CCSER1: variants seen among roughly 807,000 people sequenced by gnomAD.
CCSER1 encodes the protein serine-rich coiled-coil domain-containing protein 1.
A neutral mutation model predicts 82.0 loss-of-function variants in CCSER1; 41 were observed. That is an observed-to-expected ratio of 0.50 (90% CI 0.39 to 0.65). The LOEUF is 0.65. Ranked by LOEUF, CCSER1 falls within the 30% of genes least tolerant of loss-of-function variation. The pLI, the probability that CCSER1 is intolerant of heterozygous loss-of-function variation, is 0.00. For synonymous variants in CCSER1, 414 were observed against 383.9 expected, an observed-to-expected ratio of 1.08 and a Z score of -0.92; for missense variants, 1,119 against 1,064.2, an observed-to-expected ratio of 1.05 and a Z score of -0.72.
At chr4:91,507,412 T>G (rs1578649429) in intron 10 of CCSER1, among the ~76,000 whole-genome samples, 1 of 152,140 alleles carries the variant, frequency 6.6e-6, no homozygotes, top group African/African-American at 2.4e-5. Flanking sequence ...TTTTGACCAT[T>G]TGCATATCTT....
At chr4:90,352,927 AC>A (rs1222650302) in intron 3 of CCSER1, among the ~76,000 whole-genome samples, 3 of 152,156 alleles carry the variant, frequency 2.0e-5, no homozygotes, top group Non-Finnish European at 2.9e-5. Context: ...TTTAACTGAT[AC>A]CACCTGTGAT....
chr4:90,168,976 T>A (rs997799303), intron 1 of CCSER1, among the ~76,000 whole-genome samples: 1 of 151,948 alleles, frequency 6.6e-6, no homozygotes, highest in African/African-American at 2.4e-5. Flanking sequence ...TTTGGTTCCA[T>A]ATGAACTTTA....
At chr4:90,933,667 ATTAT>A (rs1037999343) in intron 9 of CCSER1, among the ~76,000 whole-genome samples, 4 of 140,202 alleles carry the variant, frequency 2.9e-5, no homozygotes, top group African/African-American at 1.1e-4. Context: ...GTGTGAGTGT[ATTAT>A]TTTCTATACT....
chr4:91,284,527 A>G (rs1743131604), intron 10 of CCSER1, among the ~76,000 whole-genome samples: 1 of 152,114 alleles, frequency 6.6e-6, no homozygotes, highest in Admixed American at 6.6e-5. Flanking sequence ...CTGCTTTAAC[A>G]TGTACTTTTT....
intron 8 of CCSER1, among the ~76,000 whole-genome samples, chr4:90,836,346 C>CA (rs58727029): frequency 1.6e-3 from 240 of 146,580 alleles, no homozygotes; most frequent in East Asian, 8.0e-3. Context: ...ATTAGAAAAA[C>CA]AAAAAAAAAA....
intron 7 of CCSER1, among the ~76,000 whole-genome samples, chr4:90,782,892 G>A (rs927506249): frequency 2.0e-5 from 3 of 151,736 alleles, no homozygotes; most frequent in African/African-American, 7.3e-5. Context: ...GTGTTAGCCA[G>A]GATGGTCTCG....
At chr4:90,451,077 C>G (rs568255192) in intron 4 of CCSER1, among the ~76,000 whole-genome samples, 4 of 152,106 alleles carry the variant, frequency 2.6e-5, no homozygotes, top group African/African-American at 9.7e-5. Context: ...TCTTTTCTAC[C>G]TTTCCTGAGG....
Position 91,297,393 on chromosome 4 carries a change from G to A in CCSER1, c.2217+211399G>A, listed in dbSNP as rs868362017. Among the ~76,000 whole-genome samples the A allele has an allele frequency of 8.2e-3, 1,116 of 135,352 alleles. 12 individuals carry two copies. Among genetic ancestry groups the A allele is most frequent in the African/African-American group, 0.027 (1,020 of 38,240 alleles). The allele number at this position is 135,352 out of a possible 152,430, so 88.8% of individuals were successfully genotyped here. On this transcript the variant is annotated intron_variant, in intron 10 of 10. Transcript: ENST00000509176. ...TGTGTGTGTGTGTGTGTATGTGTGTGTGTGTGTGTGTGTGTGTGTGTGTGT... is the reference window on the plus strand; with the variant it reads ...TGTGTGTGTGTGTGTGTATGTGTGTATGTGTGTGTGTGTGTGTGTGTGTGT...
intron 8 of CCSER1, among the ~76,000 whole-genome samples, chr4:90,831,269 G>A (rs979582458): frequency 1.3e-5 from 2 of 152,080 alleles, no homozygotes; most frequent in African/African-American, 2.4e-5. Context: ...TTCTTTCTTA[G>A]TGGATTTGAC....
At position 90,523,918 on chromosome 4, in the gene CCSER1, G is replaced by C. The variant is rs140665519; in HGVS notation, c.1724+55564G>C. On this transcript the variant is annotated intron_variant, in intron 5 of 10. Coordinates refer to ENST00000509176, the MANE Select transcript of CCSER1 (RefSeq NM_001145065.2). ...TATTAAGCTAAAGATGTCACTATTT[G>C]AATAGCATATCCTGTGTACATGAAG... Among the ~76,000 whole-genome samples the C allele has an allele frequency of 3.0e-4, 46 of 152,214 alleles. No individual in the cohort carries two copies. In the East Asian group the frequency reaches 8.7e-3, roughly 29 times the overall value.
At chr4:91,182,355 C>G (rs1395946924) in intron 10 of CCSER1, among the ~76,000 whole-genome samples, 2 of 152,192 alleles carry the variant, frequency 1.3e-5, no homozygotes, top group Non-Finnish European at 2.9e-5. Context: ...ATCTCTCCAC[C>G]AAATCAGTTG....
At chr4:90,330,657 C>T (rs1288415278) in intron 3 of CCSER1, among the ~76,000 whole-genome samples, 5 of 152,104 alleles carry the variant, frequency 3.3e-5, no homozygotes, top group African/African-American at 4.8e-5. Context: ...ACTATTAATG[C>T]GTGCTTTTCT....
chr4:91,406,025 T>C (rs1752679270), intron 10 of CCSER1, among the ~76,000 whole-genome samples: 5 of 152,172 alleles, frequency 3.3e-5, no homozygotes, highest in African/African-American at 1.2e-4. Flanking sequence ...TATATGTATA[T>C]TCTTATCCAT....
intron 8 of CCSER1, among the ~76,000 whole-genome samples, chr4:90,922,792 C>T (rs1020058195): frequency 6.6e-6 from 1 of 152,076 alleles, no homozygotes; most frequent in African/African-American, 2.4e-5. Context: ...GATTAGTTTA[C>T]TCAGAAATCG....
chr4:90,700,452 T>A (rs567873591), intron 6 of CCSER1, among the ~76,000 whole-genome samples: 172 of 152,286 alleles, frequency 1.1e-3, no homozygotes, highest in African/African-American at 4.1e-3. Flanking sequence ...TAAACATACG[T>A]GTGCATGTGT....
chr4:90,755,116 G>C (rs928874922), intron 7 of CCSER1, among the ~76,000 whole-genome samples: 5 of 152,100 alleles, frequency 3.3e-5, no homozygotes, highest in African/African-American at 1.2e-4. Flanking sequence ...CACATAACAC[G>C]TTTGCTTATG....
At chr4:91,556,287 T>C (rs1377952714) in intron 10 of CCSER1, among the ~76,000 whole-genome samples, 3 of 78,378 alleles carry the variant, frequency 3.8e-5, no homozygotes, top group African/African-American at 7.4e-5. Flanking sequence ...ACCCAACTTA[T>C]CTGTAAACTG....
At chr4:90,841,432 G>A (rs972012244) in intron 8 of CCSER1, among the ~76,000 whole-genome samples, 3 of 151,856 alleles carry the variant, frequency 2.0e-5, no homozygotes, top group African/African-American at 7.3e-5. Context: ...CAAAAAATTA[G>A]CCGGGCGTGG....
At chr4:90,470,921 C>T (rs1238904412) in intron 5 of CCSER1, among the ~76,000 whole-genome samples, 1 of 151,918 alleles carries the variant, frequency 6.6e-6, no homozygotes, top group East Asian at 1.9e-4. Flanking sequence ...GCATGACAAG[C>T]CCTGGAACAC....
Sources: gnomAD v4.1 joint callset for allele counts (sites outside exome capture counted in the v4.1 genomes callset) on GRCh38, gnomAD v4.1.1 for gene constraint, MANE v1.5 for transcripts, NCBI Gene and HGNC (gene_info 2026-07-23, HGNC 2026-07-21) for gene names.